Variants in LAIR1 observed in about 807,000 individuals in gnomAD.
The protein encoded by LAIR1 is leukocyte-associated immunoglobulin-like receptor 1.
A neutral mutation model predicts 32.8 loss-of-function variants in LAIR1; 24 were observed. The ratio of observed to expected loss-of-function variants is 0.73; its 90% CI spans 0.53 to 1.03. The LOEUF (loss-of-function observed/expected upper bound fraction) is 1.03, where lower values mean the gene tolerates loss of function less well. Ranked by LOEUF, LAIR1 falls within the 50% of genes least tolerant of loss-of-function variation. The probability of loss-of-function intolerance (pLI) is 0.00; values close to 1 mark genes in which losing one functional copy is unlikely to be tolerated. For synonymous variants in LAIR1, 150 were observed against 140.5 expected, an observed-to-expected ratio of 1.07 and a Z score of -0.48; for missense variants, 355 against 347.5, an observed-to-expected ratio of 1.02 and a Z score of -0.17.
At chr19:54,374,991 G>A (rs189258600), upstream of LAIR1, among the ~76,000 whole-genome samples, 13 of 152,178 alleles carry the variant, frequency 8.5e-5, no homozygotes, top group Non-Finnish European at 1.9e-4. Flanking sequence ...CGGAAAGACT[G>A]ACCCTCCTGT....
At chr19:54,365,220 A>G (rs746428350), upstream of LAIR1, 5 of 251,322 alleles carry the variant, frequency 2.0e-5, no homozygotes, top group Middle Eastern at 1.6e-3. Context: ...ATTTCCTTGT[A>G]TTACAAATGG....
the LAIR1 span, among the ~76,000 whole-genome samples, chr19:54,375,806 C>T: frequency 5.9e-5 from 9 of 151,844 alleles, no homozygotes; most frequent in South Asian, 6.2e-4. Flanking sequence ...CACAAGTCAA[C>T]GGACCTCACA....
chr19:54,361,002 T>C lies in LAIR1; in HGVS notation c.278A>G (p.Glu93Gly). The C allele has an allele frequency of 6.2e-7, 1 of 1,614,176 alleles. No individual in the cohort carries two copies. Among genetic ancestry groups the C allele is most frequent in the Non-Finnish European group, 8.5e-7 (1 of 1,180,016 alleles). Residue 93 changes from glutamate (E) to glycine (G), a missense_variant, in exon 3 of 10, where the codon GAA becomes GGA. Coordinates refer to ENST00000391742, the MANE Select transcript of LAIR1 (RefSeq NM_002287.6). ...GCAGCGATAAAGCCCGGCATTTCCTTCTCTTACTGAGTCAATGCGGAATCT... is the reference window on the plus strand; with the variant it reads ...GCAGCGATAAAGCCCGGCATTTCCTCCTCTTACTGAGTCAATGCGGAATCT... Reference protein sequence around the residue: ...EARFRIDSVREGNAGLYRCIY... With the variant: ...EARFRIDSVRGGNAGLYRCIY...
chr19:54,351,592 C>T lies in LAIR1; in HGVS notation c.*3676G>A, dbSNP rs575946532. The T allele has an allele frequency of 3.9e-5, 6 of 152,288 alleles. No homozygotes were observed. The highest frequency in any genetic ancestry group is 3.9e-4 in the East Asian group (2 of 5,182). The allele number at this position is 152,288 out of a possible 1,614,324, so 9.4% of individuals were successfully genotyped here. On this transcript the variant is annotated 3_prime_UTR_variant, in exon 10 of 10. Coordinates refer to ENST00000391742, the MANE Select transcript of LAIR1 (RefSeq NM_002287.6). ...GACTAACTGGCATCACCAACCAAAA[C>T]ACAACATGCTATCACCACAACTATT...
rs2081616424 is a variant in LAIR1, at chr19:54,354,565, T to C, written c.*703A>G. The C allele has an allele frequency of 6.6e-6, 1 of 152,236 alleles. No homozygotes were observed. The highest frequency in any genetic ancestry group is 2.1e-4 in the South Asian group (1 of 4,832). The allele number at this position is 152,236 out of a possible 1,614,324, so 9.4% of individuals were successfully genotyped here. A position where few individuals can be genotyped will look rare whatever the true frequency, so the allele number is the denominator to read the frequency against. ...CAATTAAATTTTAAAAAGAAAACGC[T>C]GACACGTTTTCGTAAGTCCTGTTTC... On this transcript the variant is annotated 3_prime_UTR_variant, in exon 10 of 10. Coordinates refer to ENST00000391742, the MANE Select transcript of LAIR1 (RefSeq NM_002287.6).
intron 4 of LAIR1, chr19:54,358,174 A>G (rs1248678304): frequency 1.4e-5 from 2 of 143,376 alleles, no homozygotes; most frequent in Admixed American, 1.4e-4. Flanking sequence ...ATTAAATATA[A>G]AATATTTTTT....
At chr19:54,361,485 G>A (rs1482432852) in intron 2 of LAIR1, among the ~76,000 whole-genome samples, 1 of 151,896 alleles carries the variant, frequency 6.6e-6, no homozygotes, top group Non-Finnish European at 1.5e-5. Flanking sequence ...TGTCGGAGCA[G>A]CCTGGAGCCC....
In LAIR1 at chr19:54,352,910, G is replaced by A. The variant is rs1569178927; in HGVS notation, c.*2358C>T. On this transcript the variant is annotated 3_prime_UTR_variant, in exon 10 of 10. Transcript: ENST00000391742. ...GCAGTGGCTCATGCCTGTAATCCCA[G>A]GACTTTGGGAGGCTGAGGTGGGCAG... The A allele has an allele frequency of 6.6e-6, 1 of 152,176 alleles. No homozygotes were observed. Among genetic ancestry groups the A allele is most frequent in the African/African-American group, 2.4e-5 (1 of 41,428 alleles). 9.4% of individuals were successfully genotyped at this position (152,176 alleles called of 1,614,324 possible). A position where few individuals can be genotyped will look rare whatever the true frequency, so the allele number is the denominator to read the frequency against.
chr19:54,356,449 TG>T (rs1452837846), intron 6 of LAIR1, 41 bp downstream of exon 6: 2 of 1,612,414 alleles, frequency 1.2e-6, no homozygotes, highest in East Asian at 4.5e-5. Flanking sequence ...TAGCCTCTCC[TG>T]ACAGCTTCCC....
upstream of LAIR1, chr19:54,364,932 G>A: frequency 2.5e-6 from 4 of 1,577,898 alleles, no homozygotes; most frequent in Non-Finnish European, 3.4e-6. This position sits in a 1 kb window ranked among gnomAD's most constrained non-coding sequence, Gnocchi z 4.8. Context: ...CACAGCAACT[G>A]CCTCACACAA....
At chr19:54,367,482 G>T (rs922856318), upstream of LAIR1, among the ~76,000 whole-genome samples, 1 of 152,084 alleles carries the variant, frequency 6.6e-6, no homozygotes, top group Non-Finnish European at 1.5e-5. Flanking sequence ...AATGGCTCAC[G>T]CCTGTAATCT....
upstream of LAIR1, among the ~76,000 whole-genome samples, chr19:54,365,581 A>G (rs1213298730): frequency 1.3e-5 from 2 of 152,220 alleles, no homozygotes; most frequent in Non-Finnish European, 1.5e-5. Flanking sequence ...ACCTGAGGCC[A>G]TAAATTCGAG....
upstream of LAIR1, among the ~76,000 whole-genome samples, chr19:54,374,294 A>G (rs577153930): frequency 6.6e-6 from 1 of 152,290 alleles, no homozygotes; most frequent in Non-Finnish European, 1.5e-5. Context: ...AAACATTGTC[A>G]TATTCCCTCT....
upstream of LAIR1, among the ~76,000 whole-genome samples, chr19:54,366,463 C>T (rs970009167): frequency 3.3e-5 from 5 of 152,100 alleles, no homozygotes; most frequent in Admixed American, 1.3e-4. Context: ...CCTAGAGATA[C>T]CACGCCAGGG....
upstream of LAIR1, among the ~76,000 whole-genome samples, chr19:54,373,224 C>A (rs1272029175): frequency 6.6e-6 from 1 of 151,024 alleles, no homozygotes; most frequent in Admixed American, 6.6e-5. Flanking sequence ...GGGCAGATCA[C>A]GAGGTCAGGT....
rs1312714415 is a variant in LAIR1 at position 54,354,923 on chromosome 19, T to G, written c.*345A>C. ...AGGAAATCGGCTGATTGGCTGTAGC[T>G]GGGCCTTTAGAACAGGCAGGTGACT... On this transcript the variant is annotated 3_prime_UTR_variant, in exon 10 of 10. Coordinates refer to ENST00000391742, the MANE Select transcript of LAIR1 (RefSeq NM_002287.6). 3 of 236,122 alleles carry G rather than the reference T, an allele frequency of 1.3e-5. No individual in the cohort carries two copies. The highest frequency in any genetic ancestry group is 6.7e-5 in the African/African-American group (3 of 44,504). The allele number at this position is 236,122 out of a possible 1,614,324, so 14.6% of individuals were successfully genotyped here.
chr19:54,358,624 C>T lies in LAIR1; in HGVS notation c.415+1398G>A, dbSNP rs1304166123. On this transcript the variant is annotated intron_variant, in intron 4 of 9. Transcript: ENST00000391742. ...CGGAGGCTTCAGTGCCTGGCACAGT[C>T]CCTGTGAGGACAAAATACTTCCTCA... 18 of 1,600,874 alleles carry T rather than the reference C, an allele frequency of 1.1e-5. No homozygotes were observed. In the Admixed American group the frequency reaches 2.8e-4, roughly 25 times the overall value.
Position 54,354,495 on chromosome 19 carries a change from C to A in LAIR1, c.*773G>T, listed in dbSNP as rs183515192. ...ACTGTCATTGCACAATGTACGTGTA[C>A]GACAAATTATCACATTTTACACCTT... On this transcript the variant is annotated 3_prime_UTR_variant, in exon 10 of 10. Transcript: ENST00000391742. The A allele has an allele frequency of 6.6e-6, 1 of 152,170 alleles. No homozygotes were observed. The highest frequency in any genetic ancestry group is 6.5e-5 in the Admixed American group (1 of 15,280). 9.4% of individuals were successfully genotyped at this position (152,170 alleles called of 1,614,324 possible). A position where few individuals can be genotyped will look rare whatever the true frequency, so the allele number is the denominator to read the frequency against.
intron 4 of LAIR1, chr19:54,358,519 A>G (rs746161357): frequency 1.1e-5 from 17 of 1,603,372 alleles, no homozygotes; most frequent in Non-Finnish European, 1.3e-5. Flanking sequence ...GTGCATTTCT[A>G]TTGCTCATTC....
Sources: gnomAD v4.1 joint callset for allele counts (sites outside exome capture counted in the v4.1 genomes callset) on GRCh38, gnomAD v4.1.1 for gene constraint, Gnocchi (gnomAD v3.1) non-coding constraint, MANE v1.5 for transcripts, NCBI Gene and HGNC (gene_info 2026-07-23, HGNC 2026-07-21) for gene names.